KIAA1328: variants seen among roughly 807,000 people sequenced by gnomAD.
KIAA1328 encodes KIAA1328.
Under a neutral mutation model 68.1 loss-of-function variants are expected in KIAA1328, and 52 were observed. The ratio of observed to expected loss-of-function variants is 0.76; its 90% CI spans 0.61 to 0.96. KIAA1328 has a LOEUF of 0.96. KIAA1328 is among the 40% of genes least tolerant of loss of function. The probability of loss-of-function intolerance (pLI) is 0.00; values close to 1 mark genes in which losing one functional copy is unlikely to be tolerated. For synonymous variants in KIAA1328, 232 were observed against 239.4 expected, an observed-to-expected ratio of 0.97 and a Z score of 0.28; for missense variants, 641 against 677.6, an observed-to-expected ratio of 0.95 and a Z score of 0.60.
intron 4 of KIAA1328, 122 bp downstream of exon 4, chr18:36,844,424 G>T: frequency 1.8e-6 from 1 of 549,780 alleles, no homozygotes. Context: ...AAAGAGTTTT[G>T]GAAAAAAGAC....
chr18:37,208,912 T>C (rs1252662243), intron 9 of KIAA1328, among the ~76,000 whole-genome samples: 1 of 152,182 alleles, frequency 6.6e-6, no homozygotes. Flanking sequence ...TAACCTATGA[T>C]GGACTGGAAT....
At chr18:37,088,600 TTATCTG>T (rs1470915634) in intron 7 of KIAA1328, among the ~76,000 whole-genome samples, 5 of 152,024 alleles carry the variant, frequency 3.3e-5, no homozygotes, top group African/African-American at 1.2e-4. Context: ...CTATTCATGT[TTATCTG>T]TATCTTTACT....
At chr18:37,031,671 T>A (rs1449433664) in intron 6 of KIAA1328, among the ~76,000 whole-genome samples, 1 of 152,226 alleles carries the variant, frequency 6.6e-6, no homozygotes, top group Non-Finnish European at 1.5e-5. Flanking sequence ...CTTGATGCAG[T>A]TATCAACTTG....
chr18:36,988,469 G>A (rs1299715756), intron 6 of KIAA1328, among the ~76,000 whole-genome samples: 4 of 152,214 alleles, frequency 2.6e-5, no homozygotes, highest in Non-Finnish European at 5.9e-5. Flanking sequence ...ACATTTGGCT[G>A]TATTCTAAGA....
intron 7 of KIAA1328, among the ~76,000 whole-genome samples, chr18:37,100,127 A>C (rs2057555835): frequency 6.6e-6 from 1 of 152,114 alleles, no homozygotes; most frequent in Admixed American, 6.5e-5. Flanking sequence ...TGCATTTCCA[A>C]CTGAGGTACC....
At chr18:37,193,517 G>T in intron 9 of KIAA1328, 1 of 668,394 alleles carries the variant, frequency 1.5e-6, no homozygotes, top group South Asian at 1.6e-5. Flanking sequence ...TACAGTTTCA[G>T]AATTTCAGAT....
chr18:37,171,684 A>G (rs762709554), intron 8 of KIAA1328, among the ~76,000 whole-genome samples: 11 of 152,154 alleles, frequency 7.2e-5, no homozygotes, highest in Non-Finnish European at 1.6e-4. Flanking sequence ...TGAATTGTGC[A>G]TTTAGAGGCT....
chr18:37,107,950 G>C (rs1041033820), intron 7 of KIAA1328, among the ~76,000 whole-genome samples: 1 of 151,902 alleles, frequency 6.6e-6, no homozygotes, highest in African/African-American at 2.4e-5. Context: ...CGCAGCCACT[G>C]TAGAAAGCAA....
At chr18:37,021,804 C>T (rs1216171061) in intron 6 of KIAA1328, among the ~76,000 whole-genome samples, 2 of 151,862 alleles carry the variant, frequency 1.3e-5, no homozygotes, top group African/African-American at 2.4e-5. Context: ...TTTGGGAGGC[C>T]GGGGCAGATG....
chr18:37,198,476 C>T (rs977098759), intron 9 of KIAA1328, among the ~76,000 whole-genome samples: 2 of 152,108 alleles, frequency 1.3e-5, no homozygotes, highest in African/African-American at 4.8e-5. Context: ...TGAGTTTGAT[C>T]ATTTCAGTTT....
intron 7 of KIAA1328, among the ~76,000 whole-genome samples, chr18:37,140,500 G>T (rs2058743839): frequency 6.6e-6 from 1 of 152,070 alleles, no homozygotes; most frequent in Non-Finnish European, 1.5e-5. Flanking sequence ...AAAGTTCAAG[G>T]TGCTCTGAAT....
intron 4 of KIAA1328, among the ~76,000 whole-genome samples, chr18:36,876,827 C>T (rs2048144211): frequency 6.6e-6 from 1 of 152,122 alleles, no homozygotes; most frequent in Non-Finnish European, 1.5e-5. Flanking sequence ...CTATAAATTT[C>T]CTTCTAAGCA....
intron 9 of KIAA1328, among the ~76,000 whole-genome samples, chr18:37,183,628 G>A (rs1052362352): frequency 2.0e-5 from 3 of 152,130 alleles, no homozygotes; most frequent in South Asian, 2.1e-4. Context: ...GATTATCAAA[G>A]TATATCAATA....
intron 9 of KIAA1328, among the ~76,000 whole-genome samples, chr18:37,180,128 T>C (rs948752218): frequency 1.2e-4 from 18 of 149,156 alleles, no homozygotes; most frequent in African/African-American, 4.4e-4. Flanking sequence ...GGAACAAAAA[T>C]ATAATACTGA....
intron 4 of KIAA1328, among the ~76,000 whole-genome samples, chr18:36,878,604 A>G (rs150367736): frequency 0.034 from 5,219 of 152,160 alleles, 118 homozygotes; most frequent in East Asian, 0.097. Flanking sequence ...ATCCTAAAGT[A>G]TGTTTTCCAA....
intron 9 of KIAA1328, among the ~76,000 whole-genome samples, chr18:37,190,069 C>T (rs2154217245): frequency 6.6e-6 from 1 of 152,130 alleles, no homozygotes; most frequent in South Asian, 2.1e-4. Context: ...TCCTTATGTT[C>T]GCCATTCTAT....
chr18:37,082,051 A>C (rs1228048179), intron 7 of KIAA1328, among the ~76,000 whole-genome samples: 1 of 152,120 alleles, frequency 6.6e-6, no homozygotes, highest in Non-Finnish European at 1.5e-5. Context: ...GAGTATTAAA[A>C]TGAGCAAGAC....
At chr18:37,200,549 C>T (rs970631530) in intron 9 of KIAA1328, among the ~76,000 whole-genome samples, 2 of 152,090 alleles carry the variant, frequency 1.3e-5, no homozygotes, top group Non-Finnish European at 2.9e-5. Flanking sequence ...CGGTGGCTCA[C>T]GCCTGTAATC....
At chr18:36,895,656 T>C (rs2048844339) in intron 5 of KIAA1328, 1 of 430,624 alleles carries the variant, frequency 2.3e-6, no homozygotes, top group Non-Finnish European at 4.7e-6. Flanking sequence ...CGTTTGCTTA[T>C]GTATTTATTT....
Sources: gnomAD v4.1 joint callset for allele counts (sites outside exome capture counted in the v4.1 genomes callset) on GRCh38, gnomAD v4.1.1 for gene constraint, MANE v1.5 for transcripts, NCBI Gene and HGNC (gene_info 2026-07-23, HGNC 2026-07-21) for gene names.